The following PHIP variants were observed in gnomAD, a reference collection of about 807,000 sequenced individuals.
The protein encoded by PHIP is PH-interacting protein.
PHIP carries 54 observed loss-of-function variants against 236.8 expected under a neutral mutation model. The ratio of observed to expected loss-of-function variants is 0.23; its 90% CI spans 0.18 to 0.29. The LOEUF (loss-of-function observed/expected upper bound fraction) is 0.29, where lower values mean the gene tolerates loss of function less well. PHIP is among the 10% of genes least tolerant of loss of function. The pLI is 1.00. For missense variants in PHIP, 1,370 were observed against 2,190.8 expected (o/e 0.63, Z 7.48); for synonymous variants, 756 against 718.9 (o/e 1.05, Z -0.83).
intron 24 of PHIP, among the ~76,000 whole-genome samples, chr6:78,974,801 C>T (rs1486226507): frequency 1.3e-5 from 2 of 151,302 alleles, no homozygotes; most frequent in Non-Finnish European, 3.0e-5. Context: ...TTGACACATA[C>T]ACTCTCCCAA....
At chr6:79,005,531 T>C (rs1381730282) in intron 15 of PHIP, among the ~76,000 whole-genome samples, 3 of 151,884 alleles carry the variant, frequency 2.0e-5, no homozygotes, top group Non-Finnish European at 4.4e-5. Flanking sequence ...AACTAAAAAT[T>C]AGGGGATTGA....
chr6:79,029,853 C>T (rs987162662), intron 7 of PHIP, among the ~76,000 whole-genome samples: 6 of 152,066 alleles, frequency 3.9e-5, no homozygotes, highest in Admixed American at 6.5e-5. Flanking sequence ...AATTAAAAAT[C>T]GATAAATATG....
intron 22 of PHIP, among the ~76,000 whole-genome samples, chr6:78,984,224 T>TAA (rs1219215817): frequency 2.6e-5 from 4 of 152,184 alleles, no homozygotes; most frequent in Non-Finnish European, 4.4e-5. Context: ...AAGAATCAAA[T>TAA]AATTAAGATG....
chr6:79,045,647 G>A (rs1582277902), intron 6 of PHIP, among the ~76,000 whole-genome samples: 2 of 152,196 alleles, frequency 1.3e-5, no homozygotes, highest in African/African-American at 4.8e-5. Flanking sequence ...ATTAATAAGA[G>A]ACCAATTAAT....
intron 6 of PHIP, among the ~76,000 whole-genome samples, chr6:79,048,015 T>TC (rs1772588768): frequency 6.6e-6 from 1 of 151,772 alleles, no homozygotes; most frequent in Non-Finnish European, 1.5e-5. Flanking sequence ...TTTTTTTTTT[T>TC]CTGTGCTGGG....
At chr6:79,048,002 TA>T (rs1391129620) in intron 6 of PHIP, among the ~76,000 whole-genome samples, 1 of 150,156 alleles carries the variant, frequency 6.7e-6, no homozygotes, top group Non-Finnish European at 1.5e-5. Context: ...TATACATATG[TA>T]TTTTTTTTTT....
intron 15 of PHIP, among the ~76,000 whole-genome samples, chr6:79,007,183 G>C (rs1457601415): frequency 6.6e-6 from 1 of 151,936 alleles, no homozygotes; most frequent in Non-Finnish European, 1.5e-5. Context: ...GCTCTGATGA[G>C]GACTCATTAA....
At chr6:78,956,551 ATAT>A in intron 32 of PHIP, 1 of 152,262 alleles carries the variant, frequency 6.6e-6, no homozygotes, top group South Asian at 2.1e-4. Context: ...CTCAGAGCTT[ATAT>A]TTTAGATTCA....
chr6:79,016,771 A>G, intron 12 of PHIP, 129 bp from the exon 13 acceptor site: 1 of 562,618 alleles, frequency 1.8e-6, no homozygotes, highest in Middle Eastern at 2.8e-4. Flanking sequence ...ATAACTTCTG[A>G]AACTTTATGG....
chr6:79,070,604 G>A (rs1473660351), intron 4 of PHIP, among the ~76,000 whole-genome samples: 1 of 152,102 alleles, frequency 6.6e-6, no homozygotes, highest in Non-Finnish European at 1.5e-5. Flanking sequence ...AATAGACCAT[G>A]ACACATGACC....
At chr6:78,945,537 G>C in intron 38 of PHIP, 40 bp from the exon 39 acceptor site, 1 of 1,228,834 alleles carries the variant, frequency 8.1e-7, no homozygotes, top group African/African-American at 1.5e-5. Flanking sequence ...AAGAGTTATT[G>C]AACCTAAAGA....
Position 78,992,496 on chromosome 6 carries a change from C to G in PHIP, c.2202-1511G>C, listed in dbSNP as rs187726108. On this transcript the variant is annotated intron_variant, in intron 19 of 39. Coordinates refer to ENST00000275034, the MANE Select transcript of PHIP (RefSeq NM_017934.7). ...GCAGATAGTGCATTTTTTTTTTTCA[C>G]AAGCTGCAAGTTTGTGGAACCCTGC... is the stretch of plus-strand genomic sequence containing the variant. Among the ~76,000 whole-genome samples the G allele has an allele frequency of 1.8e-3, 269 of 151,092 alleles. 1 individual carries two copies. The highest frequency in any genetic ancestry group is 0.017 in the Middle Eastern group (5 of 294).
chr6:78,983,341 A>C (rs1768665997), intron 22 of PHIP, among the ~76,000 whole-genome samples: 3 of 152,144 alleles, frequency 2.0e-5, no homozygotes, highest in African/African-American at 7.2e-5. Flanking sequence ...AAGATACATA[A>C]AGTCACAACT....
At chr6:79,056,335 G>A (rs889114794) in intron 6 of PHIP, among the ~76,000 whole-genome samples, 3 of 152,162 alleles carry the variant, frequency 2.0e-5, no homozygotes, top group East Asian at 1.9e-4. Flanking sequence ...CAACATGGCT[G>A]ATTCTAAGAA....
chr6:78,966,249 G>A (rs1013674309), intron 27 of PHIP, among the ~76,000 whole-genome samples, 193 bp from the exon 28 acceptor site: 1 of 152,160 alleles, frequency 6.6e-6, no homozygotes, highest in Non-Finnish European at 1.5e-5. Flanking sequence ...AAGCATACTT[G>A]AAGTGTGACT....
intron 35 of PHIP, among the ~76,000 whole-genome samples, chr6:78,949,444 T>C (rs2127685323): frequency 6.6e-6 from 1 of 152,236 alleles, no homozygotes; most frequent in East Asian, 1.9e-4. Flanking sequence ...CTGTTTTAAA[T>C]CATCTCAGAG....
chr6:79,015,041 C>A, intron 15 of PHIP, 41 bp downstream of exon 15: 1 of 1,554,218 alleles, frequency 6.4e-7, no homozygotes, highest in South Asian at 1.2e-5. Context: ...AAAAAGCTCC[C>A]AAATCTTTAG....
At chr6:79,050,971 A>G (rs1772762920) in intron 6 of PHIP, among the ~76,000 whole-genome samples, 1 of 152,190 alleles carries the variant, frequency 6.6e-6, no homozygotes, top group African/African-American at 2.4e-5. Flanking sequence ...TGTTTGTGTA[A>G]TCTTTCCCAC....
intron 19 of PHIP, among the ~76,000 whole-genome samples, chr6:78,992,184 G>C (rs528188469): frequency 1.3e-5 from 2 of 151,846 alleles, no homozygotes; most frequent in African/African-American, 4.8e-5. Context: ...GGATGGTCTC[G>C]ATCTCCTGAC....
Sources: allele counts gnomAD v4.1 joint callset (sites outside exome capture counted in the v4.1 genomes callset), GRCh38; gene constraint gnomAD v4.1.1; transcripts MANE v1.5; gene names NCBI Gene and HGNC (gene_info 2026-07-23, HGNC 2026-07-21).